KIDINS220: variants seen among roughly 807,000 people sequenced by gnomAD.
The protein encoded by KIDINS220 is kinase D interacting substrate 220, also known as kinase D-interacting substrate of 220 kDa.
In KIDINS220, 63 loss-of-function variants were observed where a neutral mutation model predicts 157.6. The ratio of observed to expected loss-of-function variants is 0.40; its 90% CI spans 0.33 to 0.49. KIDINS220 has a LOEUF of 0.49. KIDINS220 is among the 20% of genes least tolerant of loss of function. The probability of loss-of-function intolerance (pLI) is 0.66; values close to 1 mark genes in which losing one functional copy is unlikely to be tolerated. For synonymous variants in KIDINS220, 732 were observed against 783.6 expected (o/e 0.93, Z 1.10); for missense variants, 1,772 against 2,171.2 (o/e 0.82, Z 3.65).
At chr2:8,813,389 T>TA (rs1340949255) in intron 4 of KIDINS220, 54 bp from the exon 5 acceptor site, 3 of 1,203,650 alleles carry the variant, frequency 2.5e-6, no homozygotes, top group South Asian at 2.7e-5. Flanking sequence ...TCTCTGAGTA[T>TA]AAAAAATGTC....
intron 29 of KIDINS220, among the ~76,000 whole-genome samples, chr2:8,732,802 G>A (rs561340881): frequency 1.3e-5 from 2 of 152,078 alleles, no homozygotes; most frequent in South Asian, 2.1e-4. Flanking sequence ...ACTCGCTGCC[G>A]CCCGCTGTGC....
At position 8,750,253 on chromosome 2, in the gene KIDINS220, C is replaced by T. The variant is rs778534103; in HGVS notation, c.3273G>A (p.Ala1091=). ...ATGGGGGCTGGCTGTACCCTGATGG[C>T]GCCCTAGGAGGACCCTCATGTAGAG... ...PLPLHEGPPR[A]PSGYSQPPSV... is the part of the protein sequence containing the mutation. Residue 1091 remains alanine (A), a synonymous_variant, in exon 24 of 30, where the codon GCG becomes GCA. Coordinates refer to ENST00000256707, the MANE Select transcript of KIDINS220 (RefSeq NM_020738.4). The T allele has an allele frequency of 1.9e-5, 30 of 1,613,818 alleles. No individual in the cohort carries two copies. The highest frequency in any genetic ancestry group is 8.3e-5 in the Admixed American group (5 of 59,990).
At chr2:8,735,574 G>A (rs1182647613) in intron 27 of KIDINS220, among the ~76,000 whole-genome samples, 1 of 152,096 alleles carries the variant, frequency 6.6e-6, no homozygotes, top group Non-Finnish European at 1.5e-5. Flanking sequence ...ATTACTTTTG[G>A]TTCCCTGTAA....
chr2:8,815,739 A>G (rs1676998165), intron 4 of KIDINS220, among the ~76,000 whole-genome samples: 1 of 152,230 alleles, frequency 6.6e-6, no homozygotes, highest in African/African-American at 2.4e-5. Context: ...TAAAATTTTA[A>G]TCTCAAGAAA....
At chr2:8,813,189 G>A in intron 5 of KIDINS220, 48 bp downstream of exon 5, 1 of 1,323,234 alleles carries the variant, frequency 7.6e-7, no homozygotes, top group Non-Finnish European at 1.1e-6. Flanking sequence ...TATTCCCTAA[G>A]AAAACTTACC....
At chr2:8,768,694 G>A (rs758916682) in intron 22 of KIDINS220, among the ~76,000 whole-genome samples, 17 of 151,864 alleles carry the variant, frequency 1.1e-4, no homozygotes, top group Non-Finnish European at 2.2e-4. Context: ...GCTTTTTGTC[G>A]GCTGTAAATA....
In KIDINS220 at chr2:8,764,892, T is replaced by TG. The variant is rs142890895; in HGVS notation, c.3011+5777_3011+5778insC. 1.1e-3 allele frequency among the ~76,000 whole-genome samples: 165 copies of TG among 152,346 alleles called. 4 individuals are homozygous for TG. In the East Asian group the frequency reaches 0.031, roughly 29 times the overall value. On this transcript the variant is annotated intron_variant, in intron 22 of 29. Transcript: ENST00000256707. ...TAAGAAAGTTACAGTTCATGAAGTG[T>TG]ATAGTCTCATTCAGGAGACAAATAT...
chr2:8,733,733 CTTTAGAAATA>C, intron 28 of KIDINS220, 53 bp from the exon 29 acceptor site: 6 of 1,198,556 alleles, frequency 5.0e-6, no homozygotes, highest in Non-Finnish European at 6.9e-6. Flanking sequence ...ATTTTAGAAG[CTTTAGAAATA>C]TTTAGAAATA....
chr2:8,739,921 A>G (rs908152531), intron 26 of KIDINS220, among the ~76,000 whole-genome samples: 16 of 152,230 alleles, frequency 1.1e-4, no homozygotes, highest in African/African-American at 3.9e-4. Context: ...ATCACTGTGT[A>G]TTGTAAGTAG....
chr2:8,748,595 AC>A (rs1666891326), intron 24 of KIDINS220, among the ~76,000 whole-genome samples: 1 of 152,194 alleles, frequency 6.6e-6, no homozygotes, highest in Non-Finnish European at 1.5e-5. Flanking sequence ...ACAATGGCAT[AC>A]ATTTGTAACC....
In KIDINS220 at chr2:8,744,405, T is replaced by A. The variant is rs1435267686; in HGVS notation, c.3585+2740A>T. Among the ~76,000 whole-genome samples, 57 of 22,484 alleles carry A rather than the reference T, an allele frequency of 2.5e-3. 6 individuals are homozygous for A. Among genetic ancestry groups the A allele is most frequent in the African/African-American group, 7.6e-3 (56 of 7,386 alleles). The allele number at this position is 22,484 out of a possible 152,430, so 14.8% of individuals were successfully genotyped here. On this transcript the variant is annotated intron_variant, in intron 26 of 29. Coordinates refer to ENST00000256707, the MANE Select transcript of KIDINS220 (RefSeq NM_020738.4). ...AAAAAAAAAATATATATATATAATA[T>A]ATATATATATATATATATATATATA...
At chr2:8,820,758 T>C (rs1402060709) in intron 2 of KIDINS220, among the ~76,000 whole-genome samples, 1 of 152,244 alleles carries the variant, frequency 6.6e-6, no homozygotes, top group Non-Finnish European at 1.5e-5. Flanking sequence ...GCTATGCACG[T>C]ACTGCTAGTT....
chr2:8,767,577 T>C (rs1669640817), intron 22 of KIDINS220, among the ~76,000 whole-genome samples: 1 of 151,990 alleles, frequency 6.6e-6, no homozygotes, highest in South Asian at 2.1e-4. Flanking sequence ...AACAAGCTTG[T>C]GCAATAATCC....
At chr2:8,732,019 A>G (rs1220172948) in intron 29 of KIDINS220, 37 bp from the exon 30 acceptor site, 2 of 1,509,314 alleles carry the variant, frequency 1.3e-6, no homozygotes, top group Non-Finnish European at 1.8e-6. Context: ...AAAAATTCAA[A>G]TAAGAAGAAA....
At position 8,778,617 on chromosome 2, in the gene KIDINS220, C is replaced by T. The variant is rs1447405860; in HGVS notation, c.2703+22G>A. ...ATTGAATAGCAATACAAACATACAG[C>T]TCGAAGCCAATGGCATCTTACCCGT... On this transcript the variant is annotated intron_variant, in intron 20 of 29. Transcript: ENST00000256707. 10 of 1,496,354 alleles carry T rather than the reference C, an allele frequency of 6.7e-6. No homozygotes were observed. In the South Asian group the frequency reaches 1.1e-4, roughly 17 times the overall value. The allele number at this position is 1,496,354 out of a possible 1,614,324, so 92.7% of individuals were successfully genotyped here.
chr2:8,769,303 A>T (rs546786141), intron 22 of KIDINS220, among the ~76,000 whole-genome samples: 41 of 152,314 alleles, frequency 2.7e-4, no homozygotes, highest in Admixed American at 1.7e-3. Flanking sequence ...AAATTTCTTG[A>T]AATCTAGAAA....
intron 21 of KIDINS220, 47 bp from the exon 22 acceptor site, chr2:8,770,879 GTATGT>G: frequency 8.3e-7 from 1 of 1,198,806 alleles, no homozygotes; most frequent in Non-Finnish European, 1.2e-6. Context: ...ATGTGTGATA[GTATGT>G]TAAGTAAAAC....
At chr2:8,721,700 T>G (rs190395065), downstream of KIDINS220, 15 of 152,282 alleles carry the variant, frequency 9.9e-5, no homozygotes, top group Admixed American at 8.5e-4. Context: ...TGACGGTAAG[T>G]ATCACGTCAA....
At chr2:8,756,858 G>A (rs1010536555) in intron 22 of KIDINS220, among the ~76,000 whole-genome samples, 1 of 152,162 alleles carries the variant, frequency 6.6e-6, no homozygotes, top group Non-Finnish European at 1.5e-5. Context: ...ACAAACATTC[G>A]TACATAGCAG....
Sources: gnomAD v4.1 joint callset for allele counts (sites outside exome capture counted in the v4.1 genomes callset) on GRCh38, gnomAD v4.1.1 for gene constraint, MANE v1.5 for transcripts, NCBI Gene and HGNC (gene_info 2026-07-23, HGNC 2026-07-21) for gene names.